PCMTD1: variants seen among roughly 807,000 people sequenced by gnomAD.
PCMTD1 encodes the protein protein-L-isoaspartate O-methyltransferase domain-containing protein 1.
A neutral mutation model predicts 37.6 loss-of-function variants in PCMTD1; 12 were observed. That is an observed-to-expected ratio of 0.32 (90% confidence interval 0.20 to 0.52). The LOEUF (loss-of-function observed/expected upper bound fraction) is 0.52, where lower values mean the gene tolerates loss of function less well. Among genes scored for constraint, PCMTD1 ranks in the 20% least tolerant of loss-of-function variants. The pLI, the probability that PCMTD1 is intolerant of heterozygous loss-of-function variation, is 0.97. For synonymous variants in PCMTD1, 117 were observed against 135.8 expected, an observed-to-expected ratio of 0.86 and a Z score of 0.96; for missense variants, 235 against 421.3, an observed-to-expected ratio of 0.56 and a Z score of 3.87.
intron 1 of PCMTD1, among the ~76,000 whole-genome samples, chr8:51,891,275 C>T (rs943734903): frequency 4.1e-4 from 63 of 152,034 alleles, no homozygotes; most frequent in Admixed American, 2.9e-3. Flanking sequence ...GACATGAGGC[C>T]GGGCAAGGTA....
At chr8:51,884,550 A>G (rs1379389400) in intron 1 of PCMTD1, among the ~76,000 whole-genome samples, 1 of 152,202 alleles carries the variant, frequency 6.6e-6, no homozygotes, top group African/African-American at 2.4e-5. Context: ...AGTCTTTTTA[A>G]TACCCACTGT....
At chr8:51,845,318 A>G in intron 3 of PCMTD1, 1 of 210,932 alleles carries the variant, frequency 4.7e-6, no homozygotes, top group African/African-American at 2.3e-5. Flanking sequence ...GGACAGAACT[A>G]CTAAATTACT....
upstream of PCMTD1, chr8:51,899,160 C>G: frequency 7.5e-7 from 1 of 1,332,020 alleles, no homozygotes. Flanking sequence ...ACGCCAAAGT[C>G]AACAAGGCCG....
At chr8:51,868,805 A>C (rs1278206390) in intron 1 of PCMTD1, among the ~76,000 whole-genome samples, 3 of 152,190 alleles carry the variant, frequency 2.0e-5, no homozygotes, top group Non-Finnish European at 1.5e-5. Context: ...ATACTCACTG[A>C]TTTGATGATA....
chr8:51,872,773 T>C (rs2038657383), intron 1 of PCMTD1, among the ~76,000 whole-genome samples: 1 of 152,206 alleles, frequency 6.6e-6, no homozygotes, highest in African/African-American at 2.4e-5. Context: ...TTCCCTTCCA[T>C]GAATATACCA....
Position 51,840,608 on chromosome 8 carries a change from A to G in PCMTD1, c.410+5053T>C, listed in dbSNP as rs182203420. ...AGGAAAACTCCTTTAAATAAGTGTA[A>G]TTCTCATAAAGATGAAGTGAATAAA... is the stretch of plus-strand genomic sequence containing the variant. On this transcript the variant is annotated intron_variant, in intron 3 of 5. Coordinates refer to ENST00000522514, the MANE Select transcript of PCMTD1 (RefSeq NM_052937.4). 1.0e-3 allele frequency among the ~76,000 whole-genome samples: 159 copies of G among 152,274 alleles called. 2 individuals are homozygous for G. The highest frequency in any genetic ancestry group is 7.7e-3 in the Admixed American group (118 of 15,284).
chr8:51,889,645 C>T (rs1487645999), intron 1 of PCMTD1, among the ~76,000 whole-genome samples: 1 of 152,178 alleles, frequency 6.6e-6, no homozygotes. Context: ...CAATACTTTC[C>T]TACCTCTTTG....
intron 2 of PCMTD1, among the ~76,000 whole-genome samples, chr8:51,859,338 T>C (rs984664811): frequency 1.2e-4 from 19 of 152,096 alleles, no homozygotes; most frequent in African/African-American, 4.6e-4. Flanking sequence ...AAACCGGTGA[T>C]AGAAGTGACA....
At chr8:51,841,525 AG>A (rs1291783394) in intron 3 of PCMTD1, among the ~76,000 whole-genome samples, 2 of 152,240 alleles carry the variant, frequency 1.3e-5, no homozygotes, top group Non-Finnish European at 2.9e-5. Flanking sequence ...CATGCATTCC[AG>A]GGAGCCAAAT....
intron 1 of PCMTD1, among the ~76,000 whole-genome samples, chr8:51,886,859 A>C (rs2038871616): frequency 1.3e-5 from 2 of 152,186 alleles, no homozygotes; most frequent in African/African-American, 4.8e-5. Context: ...TTCATGATAC[A>C]AGTCTCACTG....
chr8:51,869,731 GAAT>G (rs760941070), intron 1 of PCMTD1, among the ~76,000 whole-genome samples: 2 of 152,122 alleles, frequency 1.3e-5, no homozygotes, highest in East Asian at 3.9e-4. Flanking sequence ...TGTAAGAACA[GAAT>G]AAAAGGTTCA....
chr8:51,875,852 T>C (rs1289372842), intron 1 of PCMTD1, among the ~76,000 whole-genome samples: 1 of 152,118 alleles, frequency 6.6e-6, no homozygotes, highest in Non-Finnish European at 1.5e-5. Flanking sequence ...GGATCACTTG[T>C]GCCCAGGAGT....
chr8:51,842,240 T>A (rs1258305713), intron 3 of PCMTD1, among the ~76,000 whole-genome samples: 1 of 152,148 alleles, frequency 6.6e-6, no homozygotes, highest in Non-Finnish European at 1.5e-5. Flanking sequence ...GACTAAGACA[T>A]ACAAAGTTTA....
In PCMTD1 at chr8:51,837,577, A is replaced by G. The variant is rs181973235; in HGVS notation, c.411-3888T>C. Among the ~76,000 whole-genome samples the G allele has an allele frequency of 9.9e-4, 150 of 152,280 alleles. 1 individual carries two copies. Among genetic ancestry groups the G allele is most frequent in the Non-Finnish European group, 5.3e-4 (36 of 68,020 alleles). On this transcript the variant is annotated intron_variant, in intron 3 of 5. Coordinates refer to ENST00000522514, the MANE Select transcript of PCMTD1 (RefSeq NM_052937.4). ...AAATATGGCTTAACCTTTTCTAGCC[A>G]TAATACATGGAACTTCACAATCAGT... is the stretch of plus-strand genomic sequence containing the variant.
rs369520061 is a variant in PCMTD1, at chr8:51,824,075, C to A, written c.707-3357G>T. On this transcript the variant is annotated intron_variant, in intron 5 of 5. Transcript: ENST00000522514. Reference sequence around the variant, plus strand: ...AATAATAAGAGCTATTTATGACAAACCCACAGCCAATATCATACTGAATGG... The same window carrying A: ...AATAATAAGAGCTATTTATGACAAAACCACAGCCAATATCATACTGAATGG... 1.6e-4 allele frequency among the ~76,000 whole-genome samples: 24 copies of A among 152,246 alleles called. No individual in the cohort carries two copies. In the East Asian group the frequency reaches 4.2e-3, roughly 27 times the overall value.
chr8:51,857,664 G>T (rs1273940613), intron 2 of PCMTD1, among the ~76,000 whole-genome samples: 4 of 151,984 alleles, frequency 2.6e-5, no homozygotes, highest in African/African-American at 9.7e-5. Context: ...CTTAGTTCAG[G>T]GAAAATATTT....
chr8:51,827,364 GA>G (rs769088291), intron 5 of PCMTD1: 282 of 877,356 alleles, frequency 3.2e-4, no homozygotes, highest in Admixed American at 4.2e-4. Flanking sequence ...ACCAAGGTCT[GA>G]AAATATTAAA....
At chr8:51,862,944 T>C (rs1290629113) in intron 1 of PCMTD1, among the ~76,000 whole-genome samples, 1 of 152,174 alleles carries the variant, frequency 6.6e-6, no homozygotes, top group Non-Finnish European at 1.5e-5. Flanking sequence ...TGCAGTGCAA[T>C]AGGAGATGCC....
At chr8:51,889,999 C>CA (rs5891439) in intron 1 of PCMTD1, among the ~76,000 whole-genome samples, 3,103 of 80,142 alleles carry the variant, frequency 0.039, 59 homozygotes, top group Non-Finnish European at 0.069. Flanking sequence ...AAGTCCTTAA[C>CA]AAAAAAAAAA....
Sources: gnomAD v4.1 joint callset for allele counts (sites outside exome capture counted in the v4.1 genomes callset) on GRCh38, gnomAD v4.1.1 for gene constraint, MANE v1.5 for transcripts, NCBI Gene and HGNC (gene_info 2026-07-23, HGNC 2026-07-21) for gene names.